Variants in CCPG1 observed in about 807,000 individuals in gnomAD.
The protein encoded by CCPG1 is cell cycle progression 1, also known as cell cycle progression protein 1.
A neutral mutation model predicts 81.3 loss-of-function variants in CCPG1; 46 were observed. The ratio of observed to expected loss-of-function variants is 0.57; its 90% CI spans 0.45 to 0.72. CCPG1 has a LOEUF of 0.72. Among genes scored for constraint, CCPG1 ranks in the 30% least tolerant of loss-of-function variants. CCPG1 has a pLI of 0.00. For synonymous variants in CCPG1, 330 were observed against 305.2 expected, an observed-to-expected ratio of 1.08 and a Z score of -0.85; for missense variants, 902 against 937.6, an observed-to-expected ratio of 0.96 and a Z score of 0.50.
chr15:55,407,656 C>T (rs1467415918), intron 1 of CCPG1, among the ~76,000 whole-genome samples: 1 of 152,204 alleles, frequency 6.6e-6, no homozygotes, highest in Non-Finnish European at 1.5e-5. Context: ...GAGACCAAAG[C>T]TAAAGGAGGC....
At chr15:55,373,025 C>T (rs767654407) in intron 5 of CCPG1, 5 of 534,604 alleles carry the variant, frequency 9.4e-6, no homozygotes, top group Admixed American at 1.9e-5. Flanking sequence ...GGAAGTGACA[C>T]AACAGCTATC....
chr15:55,362,106 T>G (rs1181294402), intron 7 of CCPG1, among the ~76,000 whole-genome samples: 1 of 152,234 alleles, frequency 6.6e-6, no homozygotes. Context: ...TTGACTGATT[T>G]GAATTTTCTT....
chr15:55,404,832 GA>G lies in CCPG1; in HGVS notation c.-10+3388del, dbSNP rs201933027. Among the ~76,000 whole-genome samples the G allele has an allele frequency of 9.8e-3, 1,496 of 152,326 alleles. 20 individuals carry two copies. The highest frequency in any genetic ancestry group is 0.034 in the African/African-American group (1,416 of 41,570). On this transcript the variant is annotated intron_variant, in intron 1 of 8. Coordinates refer to ENST00000442196, the MANE Select transcript of CCPG1 (RefSeq NM_001204450.2). ...CACGCCTGTAATGCCAGCACTTCGGGAGGCCCAGGCAACCGGATCACGCATT... is the reference window on the plus strand; with the variant it reads ...CACGCCTGTAATGCCAGCACTTCGGGGGCCCAGGCAACCGGATCACGCATT...
chr15:55,399,136 G>C (rs906348813), intron 1 of CCPG1, among the ~76,000 whole-genome samples: 1 of 152,082 alleles, frequency 6.6e-6, no homozygotes, highest in Non-Finnish European at 1.5e-5. Flanking sequence ...CAGTGCCATG[G>C]AGAAAAAAGT....
rs2056785517 is a variant in CCPG1 at position 55,385,707 on chromosome 15, T to C, written c.68A>G (p.Asp23Gly). 6.4e-7 allele frequency: 1 copy of C among 1,571,246 alleles called. No individual in the cohort carries two copies. Among genetic ancestry groups the C allele is most frequent in the Admixed American group, 1.7e-5 (1 of 59,882 alleles). ...GGTCACAGAATTCAACATTTCTATA[T>C]CTGACCCCTAAGGAAAAGTGATAAT... ...GWTVISHEGSDIEMLNSVTPT... is the reference protein window; with the variant it reads ...GWTVISHEGSGIEMLNSVTPT... Residue 23 changes from aspartate (D) to glycine (G), a missense_variant, in exon 3 of 9, where the codon GAT becomes GGT. Around this residue, in one of 3 missense-constraint regions of CCPG1, gnomAD observed 28 missense variants for 47.8 expected, o/e 0.59. Transcript: ENST00000442196.
intron 1 of CCPG1, among the ~76,000 whole-genome samples, chr15:55,397,699 G>A (rs375825004): frequency 6.6e-6 from 1 of 152,120 alleles, no homozygotes; most frequent in East Asian, 1.9e-4. Flanking sequence ...AAATTGGGCC[G>A]GGCATGGTGG....
At chr15:55,373,115 C>A (rs8041044) in intron 5 of CCPG1, 55,614 of 453,468 alleles carry the variant, frequency 0.12, 6,014 homozygotes, top group African/African-American at 0.42. Context: ...GGAAAATTTG[C>A]ACAAGAAATC....
intron 1 of CCPG1, among the ~76,000 whole-genome samples, chr15:55,401,645 G>A (rs138219840): frequency 1.6e-3 from 218 of 139,850 alleles, no homozygotes; most frequent in Middle Eastern, 7.3e-3. Context: ...CAGCCTGGGC[G>A]TAAGAATGAA....
intron 6 of CCPG1, among the ~76,000 whole-genome samples, chr15:55,369,789 G>A (rs1262102216): frequency 6.6e-6 from 1 of 152,116 alleles, no homozygotes; most frequent in African/African-American, 2.4e-5. Flanking sequence ...AAGCACTTCT[G>A]TAAAATTATT....
intron 7 of CCPG1, among the ~76,000 whole-genome samples, chr15:55,363,475 G>C (rs2056249818): frequency 6.6e-6 from 1 of 150,604 alleles, no homozygotes; most frequent in African/African-American, 2.4e-5. Context: ...AAAACACTGT[G>C]GTGAAGAAGA....
chr15:55,406,097 T>C (rs917320999), intron 1 of CCPG1, among the ~76,000 whole-genome samples: 7 of 152,208 alleles, frequency 4.6e-5, no homozygotes, highest in African/African-American at 1.7e-4. Flanking sequence ...AGTCCTGACC[T>C]CAAGTGATCC....
intron 1 of CCPG1, among the ~76,000 whole-genome samples, chr15:55,397,519 G>T (rs536932909): frequency 1.4e-4 from 21 of 152,314 alleles, no homozygotes; most frequent in African/African-American, 4.8e-4. Context: ...AAGACAGTGA[G>T]AAATGGACAG....
intron 1 of CCPG1, among the ~76,000 whole-genome samples, chr15:55,397,413 G>C (rs546765558): frequency 3.4e-5 from 5 of 145,834 alleles, no homozygotes; most frequent in Non-Finnish European, 7.4e-5. Flanking sequence ...ACAGCATTGT[G>C]GGGGAGCAAA....
chr15:55,405,908 AGGCT>A (rs1301921524), intron 1 of CCPG1, among the ~76,000 whole-genome samples: 1 of 152,236 alleles, frequency 6.6e-6, no homozygotes, highest in Non-Finnish European at 1.5e-5. Context: ...TCTGTCACCC[AGGCT>A]AGAGTACAGT....
chr15:55,360,968 GAAATA>G (rs2056180812), intron 7 of CCPG1, 24 bp from the exon 8 acceptor site: 4 of 1,483,196 alleles, frequency 2.7e-6, no homozygotes, highest in Admixed American at 5.2e-5. Flanking sequence ...TGAAAGAGAA[GAAATA>G]AAATGTCAAA....
Position 55,361,466 on chromosome 15 carries a change from G to C in CCPG1, c.829-522C>G, listed in dbSNP as rs191637087. 1.9e-3 allele frequency among the ~76,000 whole-genome samples: 288 copies of C among 151,830 alleles called. 1 individual carries two copies. Among genetic ancestry groups the C allele is most frequent in the Non-Finnish European group, 3.2e-3 (220 of 67,906 alleles). ...CTCATGCCTGTAATCCCAGCACTTT[G>C]GGAGGCTGAGGTGGGTGGATCACGA... is the stretch of plus-strand genomic sequence containing the variant. On this transcript the variant is annotated intron_variant, in intron 7 of 8. Coordinates refer to ENST00000442196, the MANE Select transcript of CCPG1 (RefSeq NM_001204450.2).
chr15:55,363,324 G>A (rs1187472515), intron 7 of CCPG1, among the ~76,000 whole-genome samples: 1 of 151,698 alleles, frequency 6.6e-6, no homozygotes, highest in Admixed American at 6.6e-5. Flanking sequence ...ACTCCAGCCT[G>A]GGCAACAGAG....
At chr15:55,383,107 A>G (rs748254809) in intron 3 of CCPG1, among the ~76,000 whole-genome samples, 1 of 152,210 alleles carries the variant, frequency 6.6e-6, no homozygotes, top group Non-Finnish European at 1.5e-5. Flanking sequence ...ATACAACCTG[A>G]AAGTCAAAAC....
intron 1 of CCPG1, among the ~76,000 whole-genome samples, chr15:55,400,483 G>A (rs1465278999): frequency 6.6e-6 from 1 of 152,050 alleles, no homozygotes; most frequent in African/African-American, 2.4e-5. Context: ...ACTAAGGCCT[G>A]GGTTACAGAG....
Sources: gnomAD v4.1 joint callset for allele counts (sites outside exome capture counted in the v4.1 genomes callset) on GRCh38, gnomAD v4.1.1 for gene constraint, gnomAD v4.1.1 regional missense constraint, MANE v1.5 for transcripts, NCBI Gene and HGNC (gene_info 2026-07-23, HGNC 2026-07-21) for gene names.